The following SMYD3 variants were observed in gnomAD, a reference collection of about 807,000 sequenced individuals.
The protein encoded by SMYD3 is SET and MYND domain containing 3.
A neutral mutation model predicts 57.7 loss-of-function variants in SMYD3; 36 were observed. The observed-to-expected ratio is 0.62, with a 90% CI of 0.48 to 0.82. SMYD3 has a LOEUF of 0.82. Among genes scored for constraint, SMYD3 ranks in the 40% least tolerant of loss-of-function variants. The probability of loss-of-function intolerance (pLI) is 0.00; values close to 1 mark genes in which losing one functional copy is unlikely to be tolerated. For missense variants in SMYD3, 515 were observed against 538.8 expected (o/e 0.96, Z 0.44); for synonymous variants, 211 against 195.0 (o/e 1.08, Z -0.68).
intron 10 of SMYD3, among the ~76,000 whole-genome samples, chr1:245,821,496 C>T (rs1204159529): frequency 1.4e-5 from 2 of 145,948 alleles, no homozygotes; most frequent in East Asian, 4.2e-4. Flanking sequence ...GCAAGGACTT[C>T]ATGTCTAAAA....
chr1:246,004,592 C>T (rs1035700557), intron 5 of SMYD3, among the ~76,000 whole-genome samples: 1 of 152,242 alleles, frequency 6.6e-6, no homozygotes, highest in East Asian at 1.9e-4. Context: ...CTGGCTCCCT[C>T]ACCAAAGGAA....
intron 10 of SMYD3, among the ~76,000 whole-genome samples, chr1:245,843,531 T>TAC (rs2050505903): frequency 2.3e-5 from 2 of 86,762 alleles, no homozygotes; most frequent in South Asian, 4.4e-4. Flanking sequence ...CATGAATGTG[T>TAC]ATATATATAT....
intron 5 of SMYD3, among the ~76,000 whole-genome samples, chr1:245,967,044 C>A (rs544297160): frequency 3.4e-4 from 52 of 152,260 alleles, no homozygotes; most frequent in Non-Finnish European, 6.0e-4. Context: ...CATTATTGAT[C>A]AATGTGTTAT....
chr1:246,035,500 C>T (rs2059757990), intron 5 of SMYD3: 1 of 152,194 alleles, frequency 6.6e-6, no homozygotes, highest in Non-Finnish European at 1.5e-5. Context: ...ACGGGACTGT[C>T]GTTTCACGAG....
intron 5 of SMYD3, among the ~76,000 whole-genome samples, chr1:245,990,098 C>T (rs2058785278): frequency 6.6e-6 from 1 of 152,092 alleles, no homozygotes; most frequent in South Asian, 2.1e-4. Context: ...GACAGGGCCT[C>T]AGTCTGTGGC....
chr1:246,068,887 C>G (rs2787995), intron 5 of SMYD3, among the ~76,000 whole-genome samples: 56,504 of 151,960 alleles, frequency 0.37, 12,819 homozygotes, highest in African/African-American at 0.62. Flanking sequence ...CTTACCTTAC[C>G]CCTTATGTCT....
At chr1:246,205,225 A>C (rs558168366) in intron 5 of SMYD3, among the ~76,000 whole-genome samples, 4 of 152,356 alleles carry the variant, frequency 2.6e-5, no homozygotes, top group Admixed American at 6.5e-5. Context: ...GATACAGTTC[A>C]GCTATCACAA....
At chr1:246,225,735 T>C (rs186888081) in intron 5 of SMYD3, among the ~76,000 whole-genome samples, 25 of 152,332 alleles carry the variant, frequency 1.6e-4, no homozygotes, top group Non-Finnish European at 2.9e-5. Context: ...ATCTCAGACC[T>C]AGTATCTCTT....
chr1:245,749,587 G>T lies in SMYD3; in HGVS notation c.1263C>A (p.Cys421Ter), dbSNP rs139195102. ...IEDLILLLEE[C>*]DANIRAS ...CTTAGGATGCTCTGATGTTGGCGTCGCATTCTTCTAAAAGTAGAATCAAAT... is the reference window on the plus strand; with the variant it reads ...CTTAGGATGCTCTGATGTTGGCGTCTCATTCTTCTAAAAGTAGAATCAAAT... Residue 421 changes from cysteine (C) to a stop codon, truncating the protein, a stop_gained, in exon 12 of 12, where the codon TGC (cysteine) becomes TGA (stop). Transcript: ENST00000490107. LOFTEE classifies it high-confidence loss of function. The T allele has an allele frequency of 6.2e-7, 1 of 1,613,714 alleles. No homozygotes were observed. The highest frequency in any genetic ancestry group is 8.5e-7 in the Non-Finnish European group (1 of 1,179,708).
At chr1:246,309,389 T>G (rs2065037399) in intron 5 of SMYD3, among the ~76,000 whole-genome samples, 1 of 151,998 alleles carries the variant, frequency 6.6e-6, no homozygotes, top group African/African-American at 2.4e-5. Flanking sequence ...AACTAGAGAG[T>G]TCACCACAAA....
rs147319544 is a variant in SMYD3 at position 245,807,860 on chromosome 1, G to A, written c.1077-43711C>T. 5.9e-3 allele frequency among the ~76,000 whole-genome samples: 887 copies of A among 151,338 alleles called. 4 individuals are homozygous for A. The highest frequency in any genetic ancestry group is 8.8e-3 in the Admixed American group (134 of 15,200). ...CAAAAAAACAGAAGCAATCTACACC[G>A]TGAAAAATTTAATTGCACTTTAATT... On this transcript the variant is annotated intron_variant, in intron 10 of 11. Transcript: ENST00000490107.
At chr1:245,785,437 T>C (rs1380643838) in intron 10 of SMYD3, among the ~76,000 whole-genome samples, 3 of 152,196 alleles carry the variant, frequency 2.0e-5, no homozygotes, top group Non-Finnish European at 4.4e-5. Context: ...GGTTCTATTA[T>C]ACTTGCAGAT....
In SMYD3 at chr1:246,461,294, T is replaced by C. The variant is rs192955558; in HGVS notation, c.164+45760A>G. On this transcript the variant is annotated intron_variant, in intron 1 of 11. Transcript: ENST00000490107. Reference sequence around the variant, plus strand: ...AAATTAGTGGGAAAAAAAGTGGAAATTAGTCAACAAGAATATTTCCTAAAT... The same window carrying C: ...AAATTAGTGGGAAAAAAAGTGGAAACTAGTCAACAAGAATATTTCCTAAAT... 2.4e-3 allele frequency among the ~76,000 whole-genome samples: 361 copies of C among 152,034 alleles called. 2 individuals carry two copies. The highest frequency in any genetic ancestry group is 6.9e-3 in the African/African-American group (285 of 41,492).
At chr1:245,953,995 TCTTTA>T (rs2147956089) in intron 5 of SMYD3, among the ~76,000 whole-genome samples, 1 of 152,318 alleles carries the variant, frequency 6.6e-6, no homozygotes, top group South Asian at 2.1e-4. Flanking sequence ...CTGATAATCC[TCTTTA>T]CTTCAAAAAA....
intron 1 of SMYD3, among the ~76,000 whole-genome samples, chr1:246,476,373 T>C (rs1226573004): frequency 6.6e-6 from 1 of 152,212 alleles, no homozygotes; most frequent in East Asian, 1.9e-4. Context: ...CCTCTCGGGC[T>C]TTAATAGGCA....
rs552945712 is a variant in SMYD3 at position 246,475,917 on chromosome 1, GT to G, written c.164+31136del. ...GGCGTGAGCCACCACGTCCAGCCAA[GT>G]TTTTACTTTGAAGCAATAGCTAAAA... On this transcript the variant is annotated intron_variant, in intron 1 of 11. Transcript: ENST00000490107. Among the ~76,000 whole-genome samples the G allele has an allele frequency of 3.7e-4, 57 of 152,246 alleles. 1 individual carries two copies. The South Asian group carries it at 0.011, about 30-fold the overall frequency.
At chr1:246,019,336 G>A (rs1350864687) in intron 5 of SMYD3, among the ~76,000 whole-genome samples, 2 of 152,206 alleles carry the variant, frequency 1.3e-5, no homozygotes, top group Non-Finnish European at 2.9e-5. Flanking sequence ...TGTCACTAGT[G>A]TCAAACGCTG....
chr1:246,147,007 G>A (rs574216374), intron 5 of SMYD3, among the ~76,000 whole-genome samples: 12 of 152,088 alleles, frequency 7.9e-5, no homozygotes, highest in Admixed American at 2.0e-4. Flanking sequence ...GACAGTGTTC[G>A]GCAGAGGACA....
At chr1:246,481,621 T>TATATATATATATATATATATATAC (rs1307881494) in intron 1 of SMYD3, among the ~76,000 whole-genome samples, 23 of 98,518 alleles carry the variant, frequency 2.3e-4, no homozygotes, top group Non-Finnish European at 3.3e-4. Flanking sequence ...CATACATATA[T>TATATATATATATATATATATATAC]ACATACATAC....
Sources: allele counts gnomAD v4.1 joint callset (sites outside exome capture counted in the v4.1 genomes callset), GRCh38; gene constraint gnomAD v4.1.1; transcripts MANE v1.5; gene names NCBI Gene and HGNC (gene_info 2026-07-23, HGNC 2026-07-21).